TMEM178B: variants seen among roughly 807,000 people sequenced by gnomAD.
TMEM178B encodes transmembrane protein 178B.
Under a neutral mutation model 31.0 loss-of-function variants are expected in TMEM178B, and 5 were observed. The ratio of observed to expected loss-of-function variants is 0.16; its 90% CI spans 0.08 to 0.34. TMEM178B has a LOEUF of 0.34. Among genes scored for constraint, TMEM178B ranks in the 10% least tolerant of loss-of-function variants. The pLI is 1.00. For missense variants in TMEM178B, 275 were observed against 400.3 expected (o/e 0.69, Z 2.67); for synonymous variants, 164 against 164.0 (o/e 1.00, Z 0.00).
the TMEM178B span, among the ~76,000 whole-genome samples, chr7:141,509,708 G>T: frequency 1.3e-5 from 2 of 152,104 alleles, no homozygotes; most frequent in Admixed American, 6.6e-5. Flanking sequence ...GAAGGGAAAG[G>T]TACACTGAGC....
At chr7:141,102,868 GGTATGA>G (rs1795081455) in intron 1 of TMEM178B, among the ~76,000 whole-genome samples, 1 of 152,168 alleles carries the variant, frequency 6.6e-6, no homozygotes, top group East Asian at 1.9e-4. Context: ...CAGGGTAGCT[GGTATGA>G]CCCCATTTCA....
intron 2 of TMEM178B, among the ~76,000 whole-genome samples, chr7:141,378,733 T>C (rs1305246966): frequency 6.6e-6 from 1 of 152,198 alleles, no homozygotes; most frequent in Non-Finnish European, 1.5e-5. Context: ...AGTCCTCCCT[T>C]AGAGGGGCTA....
chr7:141,247,420 A>G (rs1310395057), intron 2 of TMEM178B, among the ~76,000 whole-genome samples: 2 of 152,098 alleles, frequency 1.3e-5, no homozygotes, highest in African/African-American at 4.8e-5. Flanking sequence ...TTACCTCCCT[A>G]TCACAGTAGT....
At chr7:141,370,476 AT>A (rs1800096301) in intron 2 of TMEM178B, among the ~76,000 whole-genome samples, 1 of 152,200 alleles carries the variant, frequency 6.6e-6, no homozygotes, top group Admixed American at 6.5e-5. Flanking sequence ...AGAGACTAAT[AT>A]ATGCAACACG....
At chr7:141,503,500 A>C in the TMEM178B span, among the ~76,000 whole-genome samples, 6 of 152,184 alleles carry the variant, frequency 3.9e-5, no homozygotes, top group African/African-American at 4.8e-5. Flanking sequence ...AAATAAAGTC[A>C]ACTCAATGTA....
chr7:141,449,608 C>A (rs1586968206), intron 3 of TMEM178B, among the ~76,000 whole-genome samples: 1 of 152,296 alleles, frequency 6.6e-6, no homozygotes, highest in East Asian at 1.9e-4. Context: ...AGGCTTAGAG[C>A]ACATTCTCAG....
intron 2 of TMEM178B, among the ~76,000 whole-genome samples, chr7:141,423,341 T>C (rs1270798527): frequency 3.3e-5 from 5 of 152,232 alleles, no homozygotes; most frequent in Admixed American, 3.3e-4. Flanking sequence ...TAATGTACTT[T>C]ATTTAATCCA....
intron 3 of TMEM178B, among the ~76,000 whole-genome samples, chr7:141,442,864 G>T (rs913228249): frequency 6.6e-6 from 1 of 152,198 alleles, no homozygotes; most frequent in Non-Finnish European, 1.5e-5. Flanking sequence ...TTATTTCATA[G>T]ATTACATGGT....
At chr7:141,406,733 A>G (rs1423053820) in intron 2 of TMEM178B, among the ~76,000 whole-genome samples, 4 of 152,216 alleles carry the variant, frequency 2.6e-5, no homozygotes, top group Non-Finnish European at 4.4e-5. Flanking sequence ...GCAGACATGG[A>G]AAAAATTTTG....
At position 141,414,451 on chromosome 7, in the gene TMEM178B, A is replaced by T. The variant is rs1236385637; in HGVS notation, c.497-23157A>T. On this transcript the variant is annotated intron_variant, in intron 2 of 3. Coordinates refer to ENST00000565468, the MANE Select transcript of TMEM178B (RefSeq NM_001195278.2). ...AGTATACCATAATTTCTATAACCAT[A>T]TACCAATTGTTGGAATAGTTTAGGT... The T allele has an allele frequency of 2.6e-5, 4 of 152,698 alleles. No homozygotes were observed. The East Asian group carries it at 5.8e-4, about 22-fold the overall frequency. 9.5% of individuals were successfully genotyped at this position (152,698 alleles called of 1,614,324 possible). A position where few individuals can be genotyped will look rare whatever the true frequency, so the allele number is the denominator to read the frequency against.
At chr7:141,488,650 G>C in the TMEM178B span, among the ~76,000 whole-genome samples, 1 of 152,092 alleles carries the variant, frequency 6.6e-6, no homozygotes, top group African/African-American at 2.4e-5. Flanking sequence ...ATGTTGGCCA[G>C]GATGGTCTTG....
At chr7:141,203,354 G>A (rs1018342338) in intron 1 of TMEM178B, among the ~76,000 whole-genome samples, 15 of 152,258 alleles carry the variant, frequency 9.9e-5, no homozygotes, top group African/African-American at 1.4e-4. Flanking sequence ...GTGAGACAGC[G>A]TCAAGTCCTA....
chr7:141,232,007 G>T (rs1206958188), intron 2 of TMEM178B, among the ~76,000 whole-genome samples: 1 of 152,050 alleles, frequency 6.6e-6, no homozygotes, highest in Non-Finnish European at 1.5e-5. Context: ...CCCCACCCAT[G>T]TTTCCATGTG....
At chr7:141,138,967 CAG>C (rs1324952518) in intron 1 of TMEM178B, among the ~76,000 whole-genome samples, 2 of 150,560 alleles carry the variant, frequency 1.3e-5, no homozygotes, top group Admixed American at 6.6e-5. Context: ...CTGGGCAACA[CAG>C]TGAGACTCCA....
intron 1 of TMEM178B, among the ~76,000 whole-genome samples, chr7:141,198,554 T>C (rs1187417242): frequency 2.0e-5 from 3 of 152,226 alleles, no homozygotes; most frequent in African/African-American, 7.2e-5. Flanking sequence ...GATGTTTCCC[T>C]CTGGCCTGAG....
In TMEM178B at chr7:141,475,518, T is replaced by A. The variant is rs1421896624; in HGVS notation, c.*4732T>A. On this transcript the variant is annotated 3_prime_UTR_variant, in exon 4 of 4. Coordinates refer to ENST00000565468, the MANE Select transcript of TMEM178B (RefSeq NM_001195278.2). Reference sequence around the variant, plus strand: ...TCTGAGGCATCTACCGCGGGCCCAATCCAAATGGTCATGACCTCAAAACTT... The same window carrying A: ...TCTGAGGCATCTACCGCGGGCCCAAACCAAATGGTCATGACCTCAAAACTT... The A allele has an allele frequency of 6.6e-6, 1 of 152,154 alleles. No individual in the cohort carries two copies. The highest frequency in any genetic ancestry group is 2.4e-5 in the African/African-American group (1 of 41,438). 9.4% of individuals were successfully genotyped at this position (152,154 alleles called of 1,614,324 possible). A position where few individuals can be genotyped will look rare whatever the true frequency, so the allele number is the denominator to read the frequency against.
At chr7:141,374,861 G>A (rs1291939797) in intron 2 of TMEM178B, among the ~76,000 whole-genome samples, 1 of 152,220 alleles carries the variant, frequency 6.6e-6, no homozygotes, top group Non-Finnish European at 1.5e-5. Flanking sequence ...GGCTCCATGT[G>A]TGCCAAAGGT....
Position 141,354,123 on chromosome 7 carries a change from GAGTCTAC to G in TMEM178B, c.497-83479_497-83473del, listed in dbSNP as rs1330880696. Among the ~76,000 whole-genome samples, 6 of 152,336 alleles carry G rather than the reference GAGTCTAC, an allele frequency of 3.9e-5. No homozygotes were observed. In the East Asian group the frequency reaches 9.6e-4, roughly 24 times the overall value. On this transcript the variant is annotated intron_variant, in intron 2 of 3. Transcript: ENST00000565468. The stretch of plus-strand genomic sequence containing the variant: ...CCAAATCCTTAGAGCAAGCTTTAAA[GAGTCTAC>G]AGTCTTTTAGCCCACTCTTGGGCTC...
chr7:141,104,630 G>C (rs1795112395), intron 1 of TMEM178B, among the ~76,000 whole-genome samples: 3 of 152,128 alleles, frequency 2.0e-5, no homozygotes, highest in Admixed American at 2.0e-4. Context: ...ACCACAGACT[G>C]GGTGGCTTAA....
Sources: gnomAD v4.1 joint callset for allele counts (sites outside exome capture counted in the v4.1 genomes callset) on GRCh38, gnomAD v4.1.1 for gene constraint, MANE v1.5 for transcripts, NCBI Gene and HGNC (gene_info 2026-07-23, HGNC 2026-07-21) for gene names.